Variants in NUCB2 observed in about 807,000 individuals in gnomAD.
The protein encoded by NUCB2 is nucleobindin-2.
A neutral mutation model predicts 57.9 loss-of-function variants in NUCB2; 48 were observed. That is an observed-to-expected ratio of 0.83 (90% CI 0.66 to 1.05). NUCB2 has a LOEUF of 1.05. NUCB2 is among the 50% of genes least tolerant of loss of function. NUCB2 has a pLI of 0.00. For synonymous variants in NUCB2, 139 were observed against 152.1 expected (o/e 0.91, Z 0.64); for missense variants, 442 against 476.2 (o/e 0.93, Z 0.67).
In NUCB2 at chr11:17,309,565, C is replaced by T; in HGVS notation, c.380-7C>T. The T allele has an allele frequency of 1.3e-6, 2 of 1,486,654 alleles. No individual in the cohort carries two copies. The highest frequency in any genetic ancestry group is 1.3e-5 in the South Asian group (1 of 78,648). 92.1% of individuals were successfully genotyped at this position (1,486,654 alleles called of 1,614,324 possible). On this transcript the variant is annotated splice_region_variant and splice_polypyrimidine_tract_variant and intron_variant, in intron 5 of 13. Coordinates refer to ENST00000529010, the MANE Select transcript of NUCB2 (RefSeq NM_005013.4). ...TGATCATTTACAGTTTTCTTATTTT[C>T]TTTCAGATATAGGCATGGACCACCA...
intron 2 of NUCB2, among the ~76,000 whole-genome samples, chr11:17,285,127 GAA>G (rs1426088631): frequency 1.3e-5 from 2 of 152,126 alleles, no homozygotes; most frequent in African/African-American, 2.4e-5. Context: ...GAGGAAGATG[GAA>G]AAAGATACAT....
rs779044219 is a variant in NUCB2 at position 17,281,002 on chromosome 11, A to G, written c.-155-1787A>G. On this transcript the variant is annotated intron_variant, in intron 1 of 13. Coordinates refer to ENST00000529010, the MANE Select transcript of NUCB2 (RefSeq NM_005013.4). ...GTTTTGATGAGCTGAAATAGCGCCA[A>G]TGTACTCCAGCCTGGGTGGTAGAGT... Among the ~76,000 whole-genome samples the G allele has an allele frequency of 1.1e-4, 16 of 152,286 alleles. No homozygotes were observed. The South Asian group carries it at 1.2e-3, about 12-fold the overall frequency.
At chr11:17,305,628 T>A (rs1947498098) in intron 5 of NUCB2, among the ~76,000 whole-genome samples, 3 of 151,964 alleles carry the variant, frequency 2.0e-5, no homozygotes, top group Non-Finnish European at 4.4e-5. Flanking sequence ...TTATTATTAT[T>A]AATTTTTTTT....
At chr11:17,290,018 C>A (rs531018617) in intron 2 of NUCB2, among the ~76,000 whole-genome samples, 2 of 152,176 alleles carry the variant, frequency 1.3e-5, no homozygotes, top group Non-Finnish European at 2.9e-5. Flanking sequence ...CTGCTATCTT[C>A]ATTTGCATTG....
intron 11 of NUCB2, among the ~76,000 whole-genome samples, chr11:17,329,697 T>C (rs1463658477): frequency 6.6e-6 from 1 of 152,226 alleles, no homozygotes; most frequent in Admixed American, 6.5e-5. Context: ...ACTGTCTCTT[T>C]TGCCCTTCTC....
intron 11 of NUCB2, among the ~76,000 whole-genome samples, chr11:17,327,715 G>A (rs1343715400): frequency 6.6e-6 from 1 of 152,080 alleles, no homozygotes; most frequent in Non-Finnish European, 1.5e-5. Flanking sequence ...AAGAGACTCC[G>A]ATGCATTCTT....
intron 2 of NUCB2, among the ~76,000 whole-genome samples, 180 bp downstream of exon 2, chr11:17,283,123 A>G (rs1048572389): frequency 1.1e-4 from 16 of 152,236 alleles, no homozygotes; most frequent in African/African-American, 3.9e-4. Context: ...GTGGCTTTAT[A>G]AAGTCATCAG....
intron 2 of NUCB2, among the ~76,000 whole-genome samples, chr11:17,339,911 T>C: frequency 6.6e-6 from 1 of 152,156 alleles, no homozygotes; most frequent in Non-Finnish European, 1.5e-5. Flanking sequence ...AGTTCTAGAT[T>C]CCTGAGGAAT....
intron 2 of NUCB2, among the ~76,000 whole-genome samples, chr11:17,287,792 G>T (rs553394870): frequency 1.3e-4 from 20 of 152,116 alleles, no homozygotes; most frequent in Admixed American, 2.6e-4. Context: ...TTGAGGTCAG[G>T]AGTTTGAGAC....
rs376493583 is a variant in NUCB2, at chr11:17,341,592, G to C, written n.2626+4058G>C. ...AGATAATCATGTGGTTTTTGTCGTT[G>C]GTTCTGTTTATATGCTGGATTATGT... is the stretch of plus-strand genomic sequence containing the variant. On this transcript the variant is annotated intron_variant and non_coding_transcript_variant, in intron 2 of 2. Coordinates refer to the NUCB2 transcript ENST00000532240. Among the ~76,000 whole-genome samples the C allele has an allele frequency of 3.5e-4, 53 of 152,244 alleles. 1 individual carries two copies. In the South Asian group the frequency reaches 0.011, roughly 31 times the overall value.
downstream of NUCB2, chr11:17,332,747 C>T (rs1347646537): frequency 2.6e-5 from 4 of 152,032 alleles, no homozygotes; most frequent in African/African-American, 9.7e-5. Context: ...GGGTCTTACT[C>T]TGTTGTCCAG....
intron 2 of NUCB2, among the ~76,000 whole-genome samples, chr11:17,343,895 T>C (rs1411583876): frequency 6.6e-6 from 1 of 152,230 alleles, no homozygotes; most frequent in African/African-American, 2.4e-5. Flanking sequence ...TTATTTCTTT[T>C]GATATGTGTG....
intron 2 of NUCB2, among the ~76,000 whole-genome samples, chr11:17,294,908 T>C (rs971203671): frequency 5.3e-5 from 8 of 151,758 alleles, no homozygotes; most frequent in Admixed American, 2.0e-4. Context: ...ATTAGCCAGG[T>C]GTGATGGCAC....
chr11:17,344,512 T>G (rs538856053), intron 2 of NUCB2, among the ~76,000 whole-genome samples: 45 of 152,342 alleles, frequency 3.0e-4, no homozygotes, highest in African/African-American at 1.1e-3. Flanking sequence ...ATGCACCTTC[T>G]TAATCACTGG....
At chr11:17,337,989 C>T (rs1951950232) in intron 2 of NUCB2, among the ~76,000 whole-genome samples, 1 of 152,092 alleles carries the variant, frequency 6.6e-6, no homozygotes, top group Non-Finnish European at 1.5e-5. Flanking sequence ...TAATCTTTCT[C>T]CACCTACTTT....
intron 4 of NUCB2, among the ~76,000 whole-genome samples, chr11:17,299,591 C>T (rs34639402): frequency 2.0e-5 from 3 of 152,052 alleles, no homozygotes; most frequent in Non-Finnish European, 4.4e-5. Flanking sequence ...CCTAATGGTG[C>T]TGACCAACTT....
intron 11 of NUCB2, among the ~76,000 whole-genome samples, chr11:17,322,260 G>A (rs903915074): frequency 7.2e-5 from 11 of 152,080 alleles, no homozygotes; most frequent in African/African-American, 2.4e-4. Flanking sequence ...ATTTTGATTT[G>A]ATTTTTGTAT....
chr11:17,293,600 T>C (rs1456383670), intron 2 of NUCB2, among the ~76,000 whole-genome samples: 1 of 152,236 alleles, frequency 6.6e-6, no homozygotes, highest in African/African-American at 2.4e-5. Flanking sequence ...CACAAATGTT[T>C]ACTGAAGTAT....
chr11:17,331,555 G>GA lies in NUCB2; in HGVS notation c.*140dup. ...AAATAAAGGGAGATACTTTTTAAAT[G>GA]AAAACACTTTTTTTGGGACACAGAT... On this transcript the variant is annotated 3_prime_UTR_variant, in exon 14 of 14. Transcript: ENST00000529010. 1.9e-6 allele frequency: 1 copy of GA among 522,718 alleles called. No individual in the cohort carries two copies. Among genetic ancestry groups the GA allele is most frequent in the Non-Finnish European group, 3.2e-6 (1 of 317,376 alleles). 32.4% of individuals were successfully genotyped at this position (522,718 alleles called of 1,614,324 possible). A position where few individuals can be genotyped will look rare whatever the true frequency, so the allele number is the denominator to read the frequency against.
Sources: allele counts gnomAD v4.1 joint callset (sites outside exome capture counted in the v4.1 genomes callset), GRCh38; gene constraint gnomAD v4.1.1; transcripts MANE v1.5; gene names NCBI Gene and HGNC (gene_info 2026-07-23, HGNC 2026-07-21).